Variants in KIAA1217 observed in about 807,000 individuals in gnomAD.
The protein encoded by KIAA1217 is KIAA1217, also known as sickle tail protein homolog.
Under a neutral mutation model 163.9 loss-of-function variants are expected in KIAA1217, and 88 were observed. That is an observed-to-expected ratio of 0.54 (90% CI 0.45 to 0.64). The LOEUF is 0.64. Among genes scored for constraint, KIAA1217 ranks in the 30% least tolerant of loss-of-function variants. KIAA1217 has a pLI of 0.00. For synonymous variants in KIAA1217, 903 were observed against 923.1 expected, an observed-to-expected ratio of 0.98 and a Z score of 0.39; for missense variants, 2,372 against 2,475.0, an observed-to-expected ratio of 0.96 and a Z score of 0.88.
chr10:24,085,454 T>C (rs2061667286), intron 2 of KIAA1217, among the ~76,000 whole-genome samples: 1 of 152,108 alleles, frequency 6.6e-6, no homozygotes, highest in African/African-American at 2.4e-5. Flanking sequence ...TGTCTTGCCT[T>C]CTGGTCTTCA....
intron 3 of KIAA1217, among the ~76,000 whole-genome samples, chr10:24,392,016 C>A (rs2055053975): frequency 6.6e-6 from 1 of 152,002 alleles, no homozygotes; most frequent in South Asian, 2.1e-4. Flanking sequence ...TTTCTAAATC[C>A]AAATTAGATT....
chr10:24,109,237 T>C (rs1200613062), intron 2 of KIAA1217, among the ~76,000 whole-genome samples: 3 of 152,190 alleles, frequency 2.0e-5, no homozygotes, highest in African/African-American at 7.2e-5. Context: ...ACGATGCCAC[T>C]AGGGGTGCTT....
chr10:23,735,000 C>G (rs910952557), intron 1 of KIAA1217, among the ~76,000 whole-genome samples: 2 of 151,950 alleles, frequency 1.3e-5, no homozygotes, highest in Non-Finnish European at 2.9e-5. Context: ...TGTGTTTTTC[C>G]CCTCTAAAGA....
chr10:24,329,748 A>G (rs2045415406), intron 2 of KIAA1217, among the ~76,000 whole-genome samples: 1 of 152,136 alleles, frequency 6.6e-6, no homozygotes, highest in Non-Finnish European at 1.5e-5. Context: ...GGCACTCAAT[A>G]AGGAGTAGTT....
intron 1 of KIAA1217, among the ~76,000 whole-genome samples, chr10:23,837,832 C>A (rs1468204256): frequency 6.6e-6 from 1 of 152,144 alleles, no homozygotes; most frequent in Non-Finnish European, 1.5e-5. Context: ...TAAGCCACCA[C>A]ATATGGCCAA....
At chr10:24,545,772 G>T in intron 20 of KIAA1217, 55 bp from the exon 21 acceptor site, 1 of 1,542,188 alleles carries the variant, frequency 6.5e-7, no homozygotes, top group Non-Finnish European at 8.7e-7. Context: ...GGCCCTGTGG[G>T]TTGATCATGT....
intron 1 of KIAA1217, among the ~76,000 whole-genome samples, chr10:23,708,308 G>T (rs1210832774): frequency 1.3e-5 from 2 of 152,146 alleles, no homozygotes; most frequent in Admixed American, 6.5e-5. Flanking sequence ...TGAGATTTGG[G>T]TGTGCTCATA....
At chr10:23,813,658 T>C (rs1226973011) in intron 1 of KIAA1217, among the ~76,000 whole-genome samples, 2 of 152,324 alleles carry the variant, frequency 1.3e-5, no homozygotes, top group Admixed American at 6.5e-5. Flanking sequence ...TTTTCAATAT[T>C]GTGGTATTAT....
intron 1 of KIAA1217, among the ~76,000 whole-genome samples, chr10:23,758,594 C>G (rs912492203): frequency 2.0e-5 from 3 of 149,088 alleles, no homozygotes; most frequent in Non-Finnish European, 4.4e-5. Context: ...TTGATTTTCT[C>G]TCTTTTCTTT....
chr10:24,382,580 G>A (rs915867758), intron 3 of KIAA1217, among the ~76,000 whole-genome samples: 1 of 152,080 alleles, frequency 6.6e-6, no homozygotes, highest in Non-Finnish European at 1.5e-5. Context: ...ATAAATGAGA[G>A]AAGACCACAG....
In KIAA1217 at chr10:24,530,282, A is replaced by G. The variant is rs902445846; in HGVS notation, c.3083-1548A>G. ...TCTATCTGATTTTTTAAATTTGCCTAAATCACTTTTAAATTACTCCCCAAG... is the reference window on the plus strand; with the variant it reads ...TCTATCTGATTTTTTAAATTTGCCTGAATCACTTTTAAATTACTCCCCAAG... On this transcript the variant is annotated intron_variant, in intron 14 of 20. Transcript: ENST00000376454. Among the ~76,000 whole-genome samples, 8 of 152,274 alleles carry G rather than the reference A, an allele frequency of 5.3e-5. No homozygotes were observed. The East Asian group carries it at 1.4e-3, about 26-fold the overall frequency.
chr10:23,764,743 G>C (rs1370630097), intron 1 of KIAA1217, among the ~76,000 whole-genome samples: 1 of 152,096 alleles, frequency 6.6e-6, no homozygotes, highest in African/African-American at 2.4e-5. Flanking sequence ...GAGTTGAACA[G>C]TGAGAACACA....
intron 1 of KIAA1217, among the ~76,000 whole-genome samples, chr10:23,879,469 T>C (rs1840852418): frequency 6.6e-6 from 1 of 151,826 alleles, no homozygotes; most frequent in African/African-American, 2.4e-5. Flanking sequence ...TGTAGCATAT[T>C]AAGGAAGAAG....
intron 3 of KIAA1217, among the ~76,000 whole-genome samples, chr10:24,402,878 C>T (rs1231559440): frequency 6.6e-6 from 1 of 152,194 alleles, no homozygotes; most frequent in Non-Finnish European, 1.5e-5. Context: ...TGCCTGTAAT[C>T]CCAGCACTTT....
chr10:24,258,751 C>T (rs1030155177), intron 2 of KIAA1217, among the ~76,000 whole-genome samples: 1 of 152,096 alleles, frequency 6.6e-6, no homozygotes, highest in East Asian at 1.9e-4. Context: ...CGCCACCAAG[C>T]CCGGCTAATT....
chr10:24,213,176 C>A (rs190953298), intron 1 of KIAA1217, among the ~76,000 whole-genome samples: 138 of 152,304 alleles, frequency 9.1e-4, no homozygotes, highest in Non-Finnish European at 1.5e-3. Flanking sequence ...AAGTGTAGCG[C>A]ATAGTGTGCT....
chr10:23,923,720 G>A (rs905296802), intron 1 of KIAA1217, among the ~76,000 whole-genome samples: 4 of 152,212 alleles, frequency 2.6e-5, no homozygotes, highest in African/African-American at 4.8e-5. Flanking sequence ...CAGCCTTGCT[G>A]ACACCTTGAC....
At chr10:24,216,163 C>T (rs971976494) in intron 1 of KIAA1217, among the ~76,000 whole-genome samples, 1 of 152,160 alleles carries the variant, frequency 6.6e-6, no homozygotes, top group African/African-American at 2.4e-5. Context: ...TTAATGTGGA[C>T]TGAAGATTGG....
intron 1 of KIAA1217, among the ~76,000 whole-genome samples, chr10:23,958,762 C>T (rs1844681356): frequency 6.6e-6 from 1 of 152,026 alleles, no homozygotes. Context: ...AATTTACAGG[C>T]TCTCATACCA....
Sources: gnomAD v4.1 joint callset for allele counts (sites outside exome capture counted in the v4.1 genomes callset) on GRCh38, gnomAD v4.1.1 for gene constraint, MANE v1.5 for transcripts, NCBI Gene and HGNC (gene_info 2026-07-23, HGNC 2026-07-21) for gene names.